The following KCNB2 variants were observed in gnomAD, a reference collection of about 807,000 sequenced individuals.
KCNB2 encodes the protein potassium voltage-gated channel subfamily B member 2.
KCNB2 carries 15 observed loss-of-function variants against 61.5 expected under a neutral mutation model. That is an observed-to-expected ratio of 0.24 (90% CI 0.16 to 0.38). The LOEUF is 0.38. KCNB2 is among the 10% of genes least tolerant of loss of function. The pLI is 1.00. For synonymous variants in KCNB2, 457 were observed against 446.0 expected, an observed-to-expected ratio of 1.02 and a Z score of -0.31; for missense variants, 828 against 1,125.2, an observed-to-expected ratio of 0.74 and a Z score of 3.78.
intron 2 of KCNB2, among the ~76,000 whole-genome samples, chr8:72,645,127 G>A (rs543745884): frequency 8.9e-4 from 135 of 152,226 alleles, no homozygotes; most frequent in African/African-American, 3.2e-3. Flanking sequence ...GCACTTGGAA[G>A]AGCCCTAACC....
chr8:72,893,326 A>G lies in KCNB2; in HGVS notation c.580-42609A>G, dbSNP rs191109865. 3.9e-5 allele frequency among the ~76,000 whole-genome samples: 6 copies of G among 152,284 alleles called. No individual in the cohort carries two copies. In the East Asian group the frequency reaches 5.8e-4, roughly 15 times the overall value. ...TTTATTTCAACATGGGGCAAAAACT[A>G]TATTTTTGATTTGTTCTTTCCAACT... On this transcript the variant is annotated intron_variant, in intron 2 of 2. Transcript: ENST00000523207.
At chr8:72,586,940 G>A (rs542858119) in intron 2 of KCNB2, among the ~76,000 whole-genome samples, 1 of 152,274 alleles carries the variant, frequency 6.6e-6, no homozygotes, top group East Asian at 1.9e-4. Flanking sequence ...TGATCCTCTC[G>A]AAGGTTGCTA....
chr8:72,810,145 G>A (rs2129000391), intron 2 of KCNB2, among the ~76,000 whole-genome samples: 1 of 152,252 alleles, frequency 6.6e-6, no homozygotes, highest in South Asian at 2.1e-4. Flanking sequence ...TTGAGAAAAT[G>A]CCAGTCAAAA....
intron 2 of KCNB2, among the ~76,000 whole-genome samples, chr8:72,761,222 A>AT (rs1215456658): frequency 5.9e-5 from 9 of 152,142 alleles, no homozygotes; most frequent in East Asian, 3.9e-4. Flanking sequence ...TCTACCCTGC[A>AT]TCCATCCTGG....
intron 2 of KCNB2, among the ~76,000 whole-genome samples, chr8:72,669,720 C>G (rs1012217438): frequency 2.0e-5 from 3 of 152,162 alleles, no homozygotes; most frequent in Non-Finnish European, 1.5e-5. Context: ...TGCACATTTT[C>G]TATTTCAGTA....
intron 2 of KCNB2, among the ~76,000 whole-genome samples, chr8:72,857,670 T>C (rs574629556): frequency 1.6e-4 from 25 of 151,902 alleles, no homozygotes; most frequent in Non-Finnish European, 3.2e-4. Flanking sequence ...AGAAGAAGAA[T>C]GAAGAGTCAG....
intron 2 of KCNB2, among the ~76,000 whole-genome samples, chr8:72,599,875 T>C (rs1315515034): frequency 6.6e-6 from 1 of 152,020 alleles, no homozygotes; most frequent in Non-Finnish European, 1.5e-5. Flanking sequence ...ATCAGAGAAA[T>C]GCAAATCAAA....
intron 2 of KCNB2, among the ~76,000 whole-genome samples, chr8:72,631,144 CTT>C (rs1309421009): frequency 1.3e-5 from 2 of 152,292 alleles, no homozygotes; most frequent in Admixed American, 6.5e-5. Flanking sequence ...CTCTTCCTCT[CTT>C]TTTCTCAGAA....
At chr8:72,764,866 T>C (rs1454239678) in intron 2 of KCNB2, among the ~76,000 whole-genome samples, 1 of 152,190 alleles carries the variant, frequency 6.6e-6, no homozygotes, top group Non-Finnish European at 1.5e-5. Context: ...TTAGTGTCTA[T>C]TCTGGGCAAA....
chr8:72,571,010 T>C (rs1043527411), intron 2 of KCNB2, among the ~76,000 whole-genome samples: 3 of 152,198 alleles, frequency 2.0e-5, no homozygotes, highest in African/African-American at 7.2e-5. Context: ...AAAATATTCT[T>C]GTGTTTTTCT....
chr8:72,858,394 T>A (rs555187403), intron 2 of KCNB2, among the ~76,000 whole-genome samples: 1 of 152,308 alleles, frequency 6.6e-6, no homozygotes, highest in South Asian at 2.1e-4. Context: ...GTAACTTTTT[T>A]TAAAAAAAAG....
At chr8:72,804,339 G>C (rs1371106050) in intron 2 of KCNB2, among the ~76,000 whole-genome samples, 1 of 152,022 alleles carries the variant, frequency 6.6e-6, no homozygotes, top group East Asian at 1.9e-4. Context: ...ACTCACTGCT[G>C]TGATGGAATA....
intron 1 of KCNB2, among the ~76,000 whole-genome samples, chr8:72,547,023 T>C (rs966591659): frequency 3.9e-5 from 6 of 152,194 alleles, no homozygotes; most frequent in Non-Finnish European, 7.4e-5. Context: ...TTGAATTCAT[T>C]GCTTACTTTC....
intron 2 of KCNB2, among the ~76,000 whole-genome samples, chr8:72,584,217 TAAAAA>T (rs1307746115): frequency 6.6e-6 from 1 of 152,184 alleles, no homozygotes; most frequent in East Asian, 1.9e-4. Context: ...GAGGATTTTT[TAAAAA>T]AGTCAATCAG....
rs185752679 is a variant in KCNB2, at chr8:72,844,306, C to T, written c.580-91629C>T. On this transcript the variant is annotated intron_variant, in intron 2 of 2. Transcript: ENST00000523207. ...CTTGTAGGGTTTCTGCTGAGAGATC[C>T]GCTGTTAGTCTGATGGGTTTCCCTT... Among the ~76,000 whole-genome samples, 1,025 of 152,282 alleles carry T rather than the reference C, an allele frequency of 6.7e-3. 7 individuals are homozygous for T. Among genetic ancestry groups the T allele is most frequent in the Middle Eastern group, 0.01 (3 of 294 alleles).
At chr8:72,763,491 G>A (rs1219815369) in intron 2 of KCNB2, among the ~76,000 whole-genome samples, 2 of 152,152 alleles carry the variant, frequency 1.3e-5, no homozygotes, top group African/African-American at 4.8e-5. Context: ...AAACTGAGAT[G>A]GAGCTAAATG....
At chr8:72,911,795 A>G (rs748650328) in intron 2 of KCNB2, among the ~76,000 whole-genome samples, 3 of 152,182 alleles carry the variant, frequency 2.0e-5, no homozygotes, top group Non-Finnish European at 4.4e-5. Flanking sequence ...GTAGCTATGG[A>G]CAATTTACTT....
At chr8:72,823,856 AC>A (rs1159307795) in intron 2 of KCNB2, among the ~76,000 whole-genome samples, 3 of 152,038 alleles carry the variant, frequency 2.0e-5, no homozygotes, top group Non-Finnish European at 2.9e-5. Context: ...GTGTCCTGTC[AC>A]CCCGAGGGCC....
intron 2 of KCNB2, among the ~76,000 whole-genome samples, chr8:72,729,507 T>C (rs1033056406): frequency 1.3e-5 from 2 of 152,184 alleles, no homozygotes; most frequent in East Asian, 1.9e-4. Flanking sequence ...CATCCTTTCC[T>C]CTTAGCAAAT....
Sources: gnomAD v4.1 joint callset for allele counts (sites outside exome capture counted in the v4.1 genomes callset) on GRCh38, gnomAD v4.1.1 for gene constraint, MANE v1.5 for transcripts, NCBI Gene and HGNC (gene_info 2026-07-23, HGNC 2026-07-21) for gene names.